CCDC33: variants seen among roughly 807,000 people sequenced by gnomAD.
CCDC33 encodes coiled-coil domain containing 33.
In CCDC33, 94 loss-of-function variants were observed where a neutral mutation model predicts 91.9. The observed-to-expected ratio is 1.02, with a 90% CI of 0.87 to 1.21. The LOEUF is 1.21. CCDC33 is among the 50% of genes most tolerant of loss of function. The pLI is 0.00. For synonymous variants in CCDC33, 396 were observed against 374.5 expected (o/e 1.06, Z -0.66); for missense variants, 940 against 935.5 (o/e 1.00, Z -0.06).
intron 11 of CCDC33, among the ~76,000 whole-genome samples, chr15:74,306,297 G>A (rs1441817251): frequency 6.6e-6 from 1 of 152,150 alleles, no homozygotes; most frequent in Admixed American, 6.5e-5. Flanking sequence ...AGCACAGAGG[G>A]GGTCTACCTA....
At chr15:74,215,882 AAAAAAAAGAAAG>A (rs1255801779), upstream of CCDC33, among the ~76,000 whole-genome samples, 17 of 148,540 alleles carry the variant, frequency 1.1e-4, no homozygotes, top group East Asian at 1.9e-3. Flanking sequence ...ACCAAAAAAA[AAAAAAAAGAAAG>A]AAAGAAAGAA....
Position 74,271,814 on chromosome 15 carries a change from A to G in CCDC33, c.638+20A>G, listed in dbSNP as rs1325794156. 1.0e-5 allele frequency: 16 copies of G among 1,605,866 alleles called. No homozygotes were observed. The South Asian group carries it at 1.8e-4, about 18-fold the overall frequency. On this transcript the variant is annotated intron_variant, in intron 6 of 18. Transcript: ENST00000398814. ...ATTTAAGTGAGTGGGGCCCAGGTGG[A>G]CCTGGGTGAGGAGGGCAGAGCAGAG... is the stretch of plus-strand genomic sequence containing the variant.
At chr15:74,263,486 A>G (rs1458004998) in intron 3 of CCDC33, among the ~76,000 whole-genome samples, 1 of 152,184 alleles carries the variant, frequency 6.6e-6, no homozygotes, top group Admixed American at 6.5e-5. Context: ...GCTGAAGACT[A>G]TGGGAGAGGA....
chr15:74,263,703 A>C (rs529720384), intron 3 of CCDC33, among the ~76,000 whole-genome samples: 1 of 152,326 alleles, frequency 6.6e-6, no homozygotes, highest in East Asian at 1.9e-4. Flanking sequence ...GAATGCCTGC[A>C]TGCTGGTTCA....
At chr15:74,223,762 A>ACG (rs2074690543) in intron 2 of CCDC33, among the ~76,000 whole-genome samples, 2 of 97,416 alleles carry the variant, frequency 2.1e-5, no homozygotes, top group Non-Finnish European at 4.0e-5. Flanking sequence ...ACACACACAC[A>ACG]CACGCAAGCA....
At chr15:74,229,354 G>A (rs757097248) in intron 2 of CCDC33, among the ~76,000 whole-genome samples, 2 of 152,154 alleles carry the variant, frequency 1.3e-5, no homozygotes, top group Non-Finnish European at 2.9e-5. Flanking sequence ...TTAGCCAGGC[G>A]TAATGGCAGG....
At chr15:74,328,909 A>T (rs573152610) in intron 11 of CCDC33, among the ~76,000 whole-genome samples, 1 of 152,320 alleles carries the variant, frequency 6.6e-6, no homozygotes, top group East Asian at 1.9e-4. Flanking sequence ...ACAGGGGCTC[A>T]GCAAACGCAG....
intron 11 of CCDC33, chr15:74,299,689 C>G (rs1165505798): frequency 6.6e-6 from 1 of 152,308 alleles, no homozygotes; most frequent in Non-Finnish European, 1.5e-5. Context: ...ATCGGGTCCC[C>G]CAGAGACTCA....
intron 17 of CCDC33, 98 bp downstream of exon 17, chr15:74,334,065 AC>A: frequency 9.3e-7 from 1 of 1,078,452 alleles, no homozygotes; most frequent in Non-Finnish European, 1.3e-6. Flanking sequence ...TCAATCTATG[AC>A]CAGGATCAAG....
intron 1 of CCDC33, among the ~76,000 whole-genome samples, chr15:74,205,631 C>T (rs1567202449): frequency 6.6e-6 from 1 of 152,204 alleles, no homozygotes; most frequent in Non-Finnish European, 1.5e-5. Flanking sequence ...ACATCCAAAC[C>T]ATATCGGGCA....
intron 2 of CCDC33, among the ~76,000 whole-genome samples, chr15:74,223,261 T>C (rs1196498691): frequency 6.6e-6 from 1 of 151,890 alleles, no homozygotes; most frequent in African/African-American, 2.4e-5. Context: ...ATTTCACAGG[T>C]GGGGAAAGAG....
chr15:74,335,773 T>G, intron 18 of CCDC33, 152 bp from the exon 19 acceptor site: 1 of 665,496 alleles, frequency 1.5e-6, no homozygotes, highest in Non-Finnish European at 2.7e-6. Context: ...AGGTGTCACC[T>G]GCTGTGGCAA....
Position 74,244,013 on chromosome 15 carries a change from T to A in CCDC33, c.50T>A (p.Ile17Asn), listed in dbSNP as rs758969893. 1 of 1,612,538 alleles carries A rather than the reference T, an allele frequency of 6.2e-7. No individual in the cohort carries two copies. The highest frequency in any genetic ancestry group is 8.5e-7 in the Non-Finnish European group (1 of 1,179,700). ...ACTGAAGACCCAGAGGAGCCCCTGA[T>A]CGCCTCCCAGAGCACGGAACCTGAG... ...KNTEDPEEPL[I>N]ASQSTEPEIG... is the part of the protein sequence containing the mutation. Residue 17 changes from isoleucine (I) to asparagine (N), a missense_variant, in exon 2 of 19, where the codon ATC (isoleucine) becomes AAC (asparagine). By Grantham distance (149) the Ile-to-Asn change is moderately radical (BLOSUM62 -3). Transcript: ENST00000398814. This position sits in a 1 kb window ranked among gnomAD's most constrained non-coding sequence, Gnocchi z 4.2.
At chr15:74,203,951 C>T (rs1047477866) in intron 1 of CCDC33, among the ~76,000 whole-genome samples, 1 of 152,116 alleles carries the variant, frequency 6.6e-6, no homozygotes. Context: ...GGAAACAGCA[C>T]GGGTGAAGTC....
At chr15:74,280,306 A>G (rs1376809423) in intron 8 of CCDC33, among the ~76,000 whole-genome samples, 1 of 152,148 alleles carries the variant, frequency 6.6e-6, no homozygotes. Context: ...CTTGGCCCCA[A>G]GCTTTGTTTT....
chr15:74,266,273 AGT>A (rs2076163613), intron 3 of CCDC33, among the ~76,000 whole-genome samples: 1 of 152,188 alleles, frequency 6.6e-6, no homozygotes, highest in Non-Finnish European at 1.5e-5. Context: ...AGCTGGCATA[AGT>A]GTTTGTGACC....
At position 74,335,147 on chromosome 15, in the gene CCDC33, G is replaced by A. The variant is rs758474847; in HGVS notation, c.2139+59G>A. On this transcript the variant is annotated intron_variant, in intron 18 of 18. Coordinates refer to ENST00000398814, the MANE Select transcript of CCDC33 (RefSeq NM_025055.5). ...TCAGGTGGTGGAGCAGGAAGCCACC[G>A]CACCCCCAAAGTCACTGGGCCCTGA... The A allele has an allele frequency of 2.5e-5, 33 of 1,330,788 alleles. No individual in the cohort carries two copies. In the East Asian group the frequency reaches 2.5e-4, roughly 10 times the overall value. The allele number at this position is 1,330,788 out of a possible 1,614,324, so 82.4% of individuals were successfully genotyped here. A position where few individuals can be genotyped will look rare whatever the true frequency, so the allele number is the denominator to read the frequency against.
chr15:74,333,956 C>T lies in CCDC33; in HGVS notation c.2014C>T (p.Leu672=). Residue 672 remains leucine, a synonymous_variant, in exon 17 of 19, where the codon CTG becomes TTG. Coordinates refer to ENST00000398814, the MANE Select transcript of CCDC33 (RefSeq NM_025055.5). ...ACACGCTCAGAGCCGGATCCTGTCC[C>T]TGGAAAGCCAGGTGGGTGAGATGCA... ...LEHAQSRILS[L]ESQLEDSARR... The T allele has an allele frequency of 1.2e-6, 2 of 1,613,512 alleles. No individual in the cohort carries two copies. The highest frequency in any genetic ancestry group is 1.7e-6 in the Non-Finnish European group (2 of 1,179,600).
At chr15:74,230,743 C>T (rs1340055290) in intron 2 of CCDC33, among the ~76,000 whole-genome samples, 1 of 152,140 alleles carries the variant, frequency 6.6e-6, no homozygotes, top group Non-Finnish European at 1.5e-5. Flanking sequence ...GTGGGGCTGC[C>T]TACCATGTGA....
Sources: gnomAD v4.1 joint callset for allele counts (sites outside exome capture counted in the v4.1 genomes callset) on GRCh38, gnomAD v4.1.1 for gene constraint, Gnocchi (gnomAD v3.1) non-coding constraint, MANE v1.5 for transcripts, NCBI Gene and HGNC (gene_info 2026-07-23, HGNC 2026-07-21) for gene names.